Variants in DOCK7 observed in about 807,000 individuals in gnomAD.
The protein encoded by DOCK7 is dedicator of cytokinesis protein 7.
Under a neutral mutation model 271.0 loss-of-function variants are expected in DOCK7, and 138 were observed. The observed-to-expected ratio is 0.51, with a 90% CI of 0.44 to 0.59. The LOEUF (loss-of-function observed/expected upper bound fraction) is 0.59. Among genes scored for constraint, DOCK7 ranks in the 20% least tolerant of loss-of-function variants. The pLI, the probability that DOCK7 is intolerant of heterozygous loss-of-function variation, is 0.00. For missense variants in DOCK7, 2,066 were observed against 2,592.4 expected (o/e 0.80, Z 4.41); for synonymous variants, 823 against 876.1 (o/e 0.94, Z 1.07).
intron 48 of DOCK7, among the ~76,000 whole-genome samples, chr1:62,467,009 C>T (rs1028282811): frequency 6.6e-6 from 1 of 152,018 alleles, no homozygotes; most frequent in Non-Finnish European, 1.5e-5. Flanking sequence ...GCTTCTAGAT[C>T]AAGGGTCGTA....
At chr1:62,623,111 C>T in intron 12 of DOCK7, among the ~76,000 whole-genome samples, 1 of 152,122 alleles carries the variant, frequency 6.6e-6, no homozygotes, top group East Asian at 1.9e-4. Flanking sequence ...CTAATGATTA[C>T]TATATCCCTA....
intron 14 of DOCK7, chr1:62,601,962 T>C: frequency 1.2e-6 from 1 of 830,378 alleles, no homozygotes; most frequent in East Asian, 2.5e-5. Context: ...CTGGTTATCA[T>C]TGTTTTATAC....
chr1:62,612,134 C>A (rs895184457), intron 14 of DOCK7, among the ~76,000 whole-genome samples: 2 of 152,018 alleles, frequency 1.3e-5, no homozygotes, highest in African/African-American at 2.4e-5. Flanking sequence ...CCAGACAGGG[C>A]ATCAGAGCAA....
intron 29 of DOCK7, among the ~76,000 whole-genome samples, chr1:62,532,507 A>T (rs764972173): frequency 1.4e-4 from 22 of 152,046 alleles, no homozygotes; most frequent in Middle Eastern, 6.8e-3. Flanking sequence ...AATTAAAAAA[A>T]TTTTTTTGGT....
At chr1:62,484,366 T>C (rs942767612) in intron 43 of DOCK7, 8 of 152,070 alleles carry the variant, frequency 5.3e-5, no homozygotes, top group African/African-American at 1.9e-4. Context: ...GATCTTTGAA[T>C]GGAAAAAAAA....
intron 14 of DOCK7, among the ~76,000 whole-genome samples, chr1:62,590,966 C>T (rs1020425368): frequency 2.6e-5 from 4 of 152,070 alleles, no homozygotes; most frequent in African/African-American, 7.2e-5. Context: ...AACTACCATT[C>T]GACCCAGCAA....
In DOCK7 at chr1:62,542,716, A is replaced by G; in HGVS notation, c.2950-13T>C. 6.2e-7 allele frequency: 1 copy of G among 1,609,418 alleles called. No homozygotes were observed. Among genetic ancestry groups the G allele is most frequent in the African/African-American group, 1.3e-5 (1 of 74,836 alleles). On this transcript the variant is annotated splice_polypyrimidine_tract_variant and intron_variant, in intron 24 of 49. Transcript: ENST00000635253. Reference sequence around the variant, plus strand: ...CCTCGTGAAAAAGCTATCCAGAAGTAAATCCAAAGTTATTATCAAAGTCAA... The same window carrying G: ...CCTCGTGAAAAAGCTATCCAGAAGTGAATCCAAAGTTATTATCAAAGTCAA...
intron 2 of DOCK7, among the ~76,000 whole-genome samples, chr1:62,655,379 G>A (rs1230351789): frequency 1.3e-5 from 2 of 151,654 alleles, no homozygotes; most frequent in Non-Finnish European, 2.9e-5. Context: ...TTAATCTGAA[G>A]GTGCTTTAAC....
Position 62,455,431 on chromosome 1 carries a change from G to A in DOCK7, c.6406C>T (p.Arg2136Cys), listed in dbSNP as rs1403524450. 3 of 1,613,638 alleles carry A rather than the reference G, an allele frequency of 1.9e-6. No homozygotes were observed. The highest frequency in any genetic ancestry group is 2.5e-6 in the Non-Finnish European group (3 of 1,179,800). Residue 2136 changes from arginine (R) to cysteine (C), a missense_variant, in exon 50 of 50, where the codon CGC becomes TGC. Arg to Cys is a radical substitution (Grantham distance 180). Around this residue, in one of 2 missense-constraint regions of DOCK7, gnomAD observed 652 missense variants for 922.1 expected, o/e 0.71. Coordinates refer to ENST00000635253, the MANE Select transcript of DOCK7 (RefSeq NM_001367561.1). ...CATTCAGTTTAGAGATCCATTTTGC[G>A]AAGGCTCATTCGACTGAAGGAATCT... is the stretch of plus-strand genomic sequence containing the variant. ...HRDSFSRMSL[R>C]KMDL
At chr1:62,568,629 G>T (rs984355257) in intron 18 of DOCK7, among the ~76,000 whole-genome samples, 13 of 94,124 alleles carry the variant, frequency 1.4e-4, no homozygotes, top group Admixed American at 1.3e-3. Context: ...AAAAAAAAAA[G>T]CTAGGAAGAT....
At chr1:62,477,863 A>G (rs758290461) in intron 43 of DOCK7, 38 bp from the exon 44 acceptor site, 1 of 1,539,400 alleles carries the variant, frequency 6.5e-7, no homozygotes, top group Non-Finnish European at 8.7e-7. Flanking sequence ...AGAAACTTTA[A>G]TATGAAATCT....
chr1:62,587,299 T>TAAAAAAAAAAAAAAAAA, intron 14 of DOCK7, among the ~76,000 whole-genome samples: 1 of 41,818 alleles, frequency 2.4e-5, no homozygotes, highest in Non-Finnish European at 5.4e-5. Flanking sequence ...ACCAAATAGC[T>TAAAAAAAAAAAAAAAAA]AAAAAAAAAA....
At chr1:62,547,340 A>T (rs1216252179) in intron 22 of DOCK7, among the ~76,000 whole-genome samples, 3 of 152,210 alleles carry the variant, frequency 2.0e-5, no homozygotes, top group Non-Finnish European at 4.4e-5. Flanking sequence ...TAATATAATA[A>T]CTTTATGTTT....
In DOCK7 at chr1:62,529,329, T is replaced by C; in HGVS notation, c.3729A>G (p.Leu1243=). ...TTTCCATGATAATACCAATCAGAGG[T>C]AGATACAACATGGCCACTCGAGCCT... ...QIKARVAMLY[L]PLIGIIMETV... is the part of the protein sequence containing the mutation. Residue 1243 remains leucine, a synonymous_variant, in exon 30 of 50, where the codon CTA becomes CTG. Transcript: ENST00000635253. 1 of 1,613,304 alleles carries C rather than the reference T, an allele frequency of 6.2e-7. No homozygotes were observed. The highest frequency in any genetic ancestry group is 8.5e-7 in the Non-Finnish European group (1 of 1,179,796).
At chr1:62,535,845 T>C (rs191366348) in intron 28 of DOCK7, among the ~76,000 whole-genome samples, 13 of 152,348 alleles carry the variant, frequency 8.5e-5, no homozygotes, top group Admixed American at 7.8e-4. Context: ...AATTAATCAT[T>C]GAAAATTTAA....
At chr1:62,525,634 G>A (rs181945535) in intron 31 of DOCK7, among the ~76,000 whole-genome samples, 37 of 152,326 alleles carry the variant, frequency 2.4e-4, no homozygotes, top group South Asian at 1.5e-3. Flanking sequence ...TAGCTTCAAA[G>A]GTTACCAGGC....
Position 62,688,272 on chromosome 1 carries a change from G to T in DOCK7, c.-8C>A. 1 of 1,299,496 alleles carries T rather than the reference G, an allele frequency of 7.7e-7. No individual in the cohort carries two copies. Among genetic ancestry groups the T allele is most frequent in the Non-Finnish European group, 9.8e-7 (1 of 1,015,762 alleles). The allele number at this position is 1,299,496 out of a possible 1,614,324, so 80.5% of individuals were successfully genotyped here. On this transcript the variant is annotated 5_prime_UTR_variant, in exon 1 of 50. Coordinates refer to ENST00000635253, the MANE Select transcript of DOCK7 (RefSeq NM_001367561.1). ...GGCGCGGCGCTCGGCCATGGCTGCT[G>T]CGGCGACGGCGACGGCGGCGGCGGC...
intron 31 of DOCK7, among the ~76,000 whole-genome samples, chr1:62,521,225 C>T (rs1644840077): frequency 6.6e-6 from 1 of 151,706 alleles, no homozygotes; most frequent in Non-Finnish European, 1.5e-5. Flanking sequence ...ACATTCTGCA[C>T]ATGTATCCCA....
chr1:62,508,089 T>C (rs1385579357), intron 34 of DOCK7, 31 bp from the exon 35 acceptor site: 2 of 1,549,850 alleles, frequency 1.3e-6, no homozygotes, highest in Admixed American at 2.1e-5. Context: ...AAATTATATT[T>C]ATCTTTTTGA....
Sources: gnomAD v4.1 joint callset for allele counts (sites outside exome capture counted in the v4.1 genomes callset) on GRCh38, gnomAD v4.1.1 for gene constraint, gnomAD v4.1.1 regional missense constraint, MANE v1.5 for transcripts, NCBI Gene and HGNC (gene_info 2026-07-23, HGNC 2026-07-21) for gene names.